The following MEX3B variants were observed in gnomAD, a reference collection of about 807,000 sequenced individuals.
MEX3B encodes the protein RNA-binding protein MEX3B.
A neutral mutation model predicts 12.2 loss-of-function variants in MEX3B; 10 were observed. That is an observed-to-expected ratio of 0.82 (90% CI 0.51 to 1.40). The LOEUF is 1.40. Among genes scored for constraint, MEX3B ranks in the 40% most tolerant of loss-of-function variants. The pLI is 0.00. For missense variants in MEX3B, 839 were observed against 801.4 expected (o/e 1.05, Z -0.57); for synonymous variants, 498 against 356.3 (o/e 1.40, Z -4.48).
At chr15:82,045,298 TTGTC>T (rs1013321604) in intron 1 of MEX3B, 148 bp downstream of exon 1, 4 of 949,694 alleles carry the variant, frequency 4.2e-6, no homozygotes, top group Non-Finnish European at 6.5e-6. Flanking sequence ...TGCACTTTCT[TTGTC>T]TGGGGCGCCG....
At position 82,043,897 on chromosome 15, in the gene MEX3B, G is replaced by A; in HGVS notation, c.973C>T (p.Leu325=). The A allele has an allele frequency of 6.3e-7, 1 of 1,594,748 alleles. No individual in the cohort carries two copies. The highest frequency in any genetic ancestry group is 1.7e-5 in the Admixed American group (1 of 58,406). ...LADYSPPSPA[L]SFAHNGNNNN... is the part of the protein sequence containing the mutation. ...TTGTTTCCGTTGTGCGCAAAGCTCA[G>A]GGCGGGGCTAGGGGGGCTGTAGTCC... is the stretch of plus-strand genomic sequence containing the variant. Residue 325 remains leucine (L), a synonymous_variant, in exon 2 of 2, where the codon CTG becomes TTG. Transcript: ENST00000329713.
chr15:82,043,379 G>GGACGAAGAGGAGGAGCCC lies in MEX3B; in HGVS notation c.1473_1490dup (p.Gly492_Ser497dup). The GGACGAAGAGGAGGAGCCC allele has an allele frequency of 1.9e-6, 3 of 1,587,062 alleles. No individual in the cohort carries two copies. Among genetic ancestry groups the GGACGAAGAGGAGGAGCCC allele is most frequent in the Non-Finnish European group, 2.6e-6 (3 of 1,166,994 alleles). On this transcript the variant is annotated inframe_insertion, in exon 2 of 2. Transcript: ENST00000329713. ...AGGATGAAGAGCTGGAGGAGGAGCTGGACGAAGAGGAGGAGCCCGACGTGT... is the reference window on the plus strand; with the variant it reads ...AGGATGAAGAGCTGGAGGAGGAGCTGGACGAAGAGGAGGAGCCCGACGAAGAGGAGGAGCCCGACGTGT...
At position 82,043,511 on chromosome 15, in the gene MEX3B, C is replaced by T; in HGVS notation, c.1359G>A (p.Glu453=). Residue 453 remains glutamate, a synonymous_variant, in exon 2 of 2, where the codon GAG becomes GAA. Transcript: ENST00000329713. ...TGCGCACCCGGCGAGCCAGGTGGTG[C>T]TCTCCCGCCCCCGGGGCCATGTGCA... ...PPLHMAPGAG[E]HHLARRVRSD... 6.6e-7 allele frequency: 1 copy of T among 1,515,078 alleles called. No individual in the cohort carries two copies. 93.9% of individuals were successfully genotyped at this position (1,515,078 alleles called of 1,614,324 possible). A position where few individuals can be genotyped will look rare whatever the true frequency, so the allele number is the denominator to read the frequency against.
In MEX3B at chr15:82,043,978, CTG is replaced by C. The variant is rs1398332556; in HGVS notation, c.890_891del (p.Thr297ArgfsTer25). 2 of 1,609,186 alleles carry C rather than the reference CTG, an allele frequency of 1.2e-6. No individual in the cohort carries two copies. The highest frequency in any genetic ancestry group is 1.7e-6 in the Non-Finnish European group (2 of 1,179,868). ...CTGGTCCCGCCGCCGAAATAAGAGTCTGTGGAAGCACTGCCAAGCGAGCTGGA... is the reference window on the plus strand; with the variant it reads ...CTGGTCCCGCCGCCGAAATAAGAGTCTGGAAGCACTGCCAAGCGAGCTGGA... ...DSSSSLGSAS[T>X]DSYFGGGTSS... On this transcript the variant is annotated frameshift_variant, in exon 2 of 2. Coordinates refer to ENST00000329713, the MANE Select transcript of MEX3B (RefSeq NM_032246.6). LOFTEE classifies it low-confidence loss of function (END_TRUNC).
Position 82,043,521 on chromosome 15 carries a change from C to G in MEX3B, c.1349G>C (p.Gly450Ala). The G allele has an allele frequency of 2.0e-6, 3 of 1,515,006 alleles. No homozygotes were observed. The South Asian group carries it at 3.9e-5, about 19-fold the overall frequency. 93.8% of individuals were successfully genotyped at this position (1,515,006 alleles called of 1,614,324 possible). A position where few individuals can be genotyped will look rare whatever the true frequency, so the allele number is the denominator to read the frequency against. The change falls in exon 2 of 2, where the codon GGG becomes GCG. Residue 450 changes from glycine (G) to alanine (A), a missense_variant. By Grantham distance (60) the Gly-to-Ala change is moderately conservative. Transcript: ENST00000329713. Reference sequence around the variant, plus strand: ...GCGAGCCAGGTGGTGCTCTCCCGCCCCCGGGGCCATGTGCAAGGGTGGAGA... The same window carrying G: ...GCGAGCCAGGTGGTGCTCTCCCGCCGCCGGGGCCATGTGCAAGGGTGGAGA... The part of the protein sequence containing the change: ...RLSPPLHMAP[G>A]AGEHHLARRV...
chr15:82,043,809 T>C lies in MEX3B; in HGVS notation c.1061A>G (p.Asp354Gly). 1 of 1,587,368 alleles carries C rather than the reference T, an allele frequency of 6.3e-7. No homozygotes were observed. The highest frequency in any genetic ancestry group is 8.6e-7 in the Non-Finnish European group (1 of 1,167,584). The change falls in exon 2 of 2, where the codon GAC becomes GGC. Residue 354 changes from aspartate (D) to glycine (G), a missense_variant. Physicochemically the swap from Asp to Gly is moderately conservative, Grantham distance 94. Coordinates refer to ENST00000329713, the MANE Select transcript of MEX3B (RefSeq NM_032246.6). ...AGGEASVPSPDGCPELQPTFD... is the reference protein window; with the variant it reads ...AGGEASVPSPGGCPELQPTFD... ...AGTGGGCTGCAGCTCGGGGCAGCCG[T>C]CGGGGGATGGCACTGAGGCTTCTCC...
Position 82,042,834 on chromosome 15 carries a change from A to G in MEX3B, c.*326T>C, listed in dbSNP as rs1436251403. 9.7e-6 allele frequency: 2 copies of G among 206,688 alleles called. No individual in the cohort carries two copies. Among genetic ancestry groups the G allele is most frequent in the African/African-American group, 4.6e-5 (2 of 43,638 alleles). The allele number at this position is 206,688 out of a possible 1,614,324, so 12.8% of individuals were successfully genotyped here. A position where few individuals can be genotyped will look rare whatever the true frequency, so the allele number is the denominator to read the frequency against. ...GGTTTTCTTCTTTTGGAAGCTTCCT[A>G]TTAAGTACAGTGTAAAAACTATCAT... is the stretch of plus-strand genomic sequence containing the variant. On this transcript the variant is annotated 3_prime_UTR_variant, in exon 2 of 2. Coordinates refer to ENST00000329713, the MANE Select transcript of MEX3B (RefSeq NM_032246.6).
Position 82,044,720 on chromosome 15 carries a change from C to G in MEX3B, c.257-107G>C. ...ACAGCCCGCGTCCAGGACAGCGAGA[C>G]GGCAGGACAAGAGATGGGCGGAAAG... On this transcript the variant is annotated intron_variant, in intron 1 of 1. Coordinates refer to ENST00000329713, the MANE Select transcript of MEX3B (RefSeq NM_032246.6). The surrounding 1 kb of genome is among the most constrained non-coding windows in gnomAD (Gnocchi z 5.3). 9.1e-7 allele frequency: 1 copy of G among 1,102,784 alleles called. No homozygotes were observed. Among genetic ancestry groups the G allele is most frequent in the Admixed American group, 1.9e-5 (1 of 52,336 alleles). 68.3% of individuals were successfully genotyped at this position (1,102,784 alleles called of 1,614,324 possible).
Position 82,044,674 on chromosome 15 carries a change from G to C in MEX3B, c.257-61C>G. ...AGAGACAGACACGCCCATTATCCTG[G>C]GGTAACCGCGGGGACCGGGGACAGC... On this transcript the variant is annotated intron_variant, in intron 1 of 1. Coordinates refer to ENST00000329713, the MANE Select transcript of MEX3B (RefSeq NM_032246.6). This position sits in a 1 kb window ranked among gnomAD's most constrained non-coding sequence, Gnocchi z 5.3. The C allele has an allele frequency of 6.4e-7, 1 of 1,552,024 alleles. No individual in the cohort carries two copies. The highest frequency in any genetic ancestry group is 8.9e-7 in the Non-Finnish European group (1 of 1,127,940).
In MEX3B at chr15:82,042,088, C is replaced by G. The variant is rs892145244; in HGVS notation, c.*1072G>C. On this transcript the variant is annotated 3_prime_UTR_variant, in exon 2 of 2. Coordinates refer to ENST00000329713, the MANE Select transcript of MEX3B (RefSeq NM_032246.6). Reference sequence around the variant, plus strand: ...ATGTATTAAAATAGAAATACTAAAACTAGAGTGGTGCAACAGAATTTTTGT... The same window carrying G: ...ATGTATTAAAATAGAAATACTAAAAGTAGAGTGGTGCAACAGAATTTTTGT... 6.6e-6 allele frequency: 1 copy of G among 152,584 alleles called. No homozygotes were observed. The highest frequency in any genetic ancestry group is 1.5e-5 in the Non-Finnish European group (1 of 68,016). 9.5% of individuals were successfully genotyped at this position (152,584 alleles called of 1,614,324 possible).
Position 82,043,758 on chromosome 15 carries a change from G to C in MEX3B, c.1112C>G (p.Pro371Arg). 1.3e-6 allele frequency: 2 copies of C among 1,570,788 alleles called. No individual in the cohort carries two copies. The highest frequency in any genetic ancestry group is 1.7e-6 in the Non-Finnish European group (2 of 1,159,910). Residue 371 changes from proline to arginine, a missense_variant, in exon 2 of 2, where the codon CCT becomes CGT. This residue lies in a region of MEX3B where 573 missense variants were observed against 488.9 expected (regional missense o/e 1.17). Transcript: ENST00000329713. ...PTFDPAPAPP[P>R]GAPLIWAQFE... ...CTGGGCCCAGATAAGTGGTGCCCCA[G>C]GTGGGGGAGCGGGAGCCGGGTCAAA...
Position 82,043,292 on chromosome 15 carries a change from C to G in MEX3B, c.1578G>C (p.Val526=). ...GGCCACAGGGCACCAGCGCGGCAAT[C>G]ACTTCGCTCTCGAAGCACACGGAGC... ...RDCSVCFESE[V]IAALVPCGHN... Residue 526 remains valine (V), a synonymous_variant, in exon 2 of 2, where the codon GTG becomes GTC. Transcript: ENST00000329713. 6.2e-7 allele frequency: 1 copy of G among 1,612,040 alleles called. No individual in the cohort carries two copies. Among genetic ancestry groups the G allele is most frequent in the Non-Finnish European group, 8.5e-7 (1 of 1,178,914 alleles).
chr15:82,043,687 A>T lies in MEX3B; in HGVS notation c.1183T>A (p.Ser395Thr), dbSNP rs2073235745. Residue 395 changes from serine (S) to threonine (T), a missense_variant, in exon 2 of 2, where the codon TCC becomes ACC. Physicochemically the swap from Ser to Thr is moderately conservative, Grantham distance 58. This residue lies in a region of MEX3B where 573 missense variants were observed against 488.9 expected (regional missense o/e 1.17). Transcript: ENST00000329713. ...GGGPAAPVSS[S>T]CSSSASSSAS... ...GACGAAGATGCAGAAGAAGAGCAGG[A>T]AGAAGATACCGGAGCTGCAGGTCCG... 1 of 1,607,028 alleles carries T rather than the reference A, an allele frequency of 6.2e-7. No homozygotes were observed. The highest frequency in any genetic ancestry group is 8.5e-7 in the Non-Finnish European group (1 of 1,176,920).
Position 82,045,835 on chromosome 15 carries a change from T to C in MEX3B, c.-130A>G. On this transcript the variant is annotated 5_prime_UTR_variant, in exon 1 of 2. Transcript: ENST00000329713. Reference sequence around the variant, plus strand: ...GTCGCCTGCTGAGGGCTCCGTTGCTTCTTCCTCGGTGCTGGGAGGAGTGGG... The same window carrying C: ...GTCGCCTGCTGAGGGCTCCGTTGCTCCTTCCTCGGTGCTGGGAGGAGTGGG... 1 of 1,042,344 alleles carries C rather than the reference T, an allele frequency of 9.6e-7. No homozygotes were observed. The highest frequency in any genetic ancestry group is 1.3e-6 in the Non-Finnish European group (1 of 797,284). The allele number at this position is 1,042,344 out of a possible 1,614,324, so 64.6% of individuals were successfully genotyped here.
At chr15:82,045,285 G>C (rs938770164) in intron 1 of MEX3B, 165 bp downstream of exon 1, 1 of 852,420 alleles carries the variant, frequency 1.2e-6, no homozygotes, top group South Asian at 1.4e-5. Flanking sequence ...GAGACAGCCT[G>C]CCTGCACTTT....
At position 82,045,534 on chromosome 15, in the gene MEX3B, C is replaced by T; in HGVS notation, c.172G>A (p.Glu58Lys). The change falls in exon 1 of 2, where the codon GAG becomes AAG. Residue 58 changes from glutamate to lysine, a missense_variant. Glu to Lys is a moderately conservative substitution (Grantham distance 56). Transcript: ENST00000329713. ...ATGTTCACGCTCTTCTTGCGCGGCT[C>T]GCTGTCGTACAGAGAGGCGCCCTCG... Reference protein sequence around the residue: ...SDEGASLYDSEPRKKSVNMTE... With the variant: ...SDEGASLYDSKPRKKSVNMTE... 1 of 1,612,502 alleles carries T rather than the reference C, an allele frequency of 6.2e-7. No individual in the cohort carries two copies.
At position 82,043,065 on chromosome 15, in the gene MEX3B, G is replaced by A. The variant is rs768782261; in HGVS notation, c.*95C>T. ...GGCCGGGAAGGAGAAGGGAGAGGGG[G>A]GGCACCCAGGGAGGCAGGCGAGCGC... On this transcript the variant is annotated 3_prime_UTR_variant, in exon 2 of 2. Transcript: ENST00000329713. 653 of 1,145,542 alleles carry A rather than the reference G, an allele frequency of 5.7e-4. 4 individuals carry two copies. Among genetic ancestry groups the A allele is most frequent in the Admixed American group, 6.5e-4 (19 of 29,160 alleles). 71.0% of individuals were successfully genotyped at this position (1,145,542 alleles called of 1,614,324 possible). A position where few individuals can be genotyped will look rare whatever the true frequency, so the allele number is the denominator to read the frequency against.
chr15:82,044,977 G>T lies in MEX3B; in HGVS notation c.257-364C>A, dbSNP rs1229679283. 5 of 580,892 alleles carry T rather than the reference G, an allele frequency of 8.6e-6. No homozygotes were observed. Among genetic ancestry groups the T allele is most frequent in the African/African-American group, 3.7e-5 (2 of 53,496 alleles). The allele number at this position is 580,892 out of a possible 1,614,324, so 36.0% of individuals were successfully genotyped here. On this transcript the variant is annotated intron_variant, in intron 1 of 1. Coordinates refer to ENST00000329713, the MANE Select transcript of MEX3B (RefSeq NM_032246.6). This position sits in a 1 kb window ranked among gnomAD's most constrained non-coding sequence, Gnocchi z 5.3. ...GGGAAGGGGCTCGGGGAAGGCAGCT[G>T]AAGTCGCGATGCCTCAGCGCTGGTC...
At chr15:82,045,409 T>A in intron 1 of MEX3B, 41 bp downstream of exon 1, 1 of 1,577,222 alleles carries the variant, frequency 6.3e-7, no homozygotes, top group Non-Finnish European at 8.6e-7. Flanking sequence ...CCTGAGACCC[T>A]ACACCACCCC....
Sources: allele counts gnomAD v4.1 joint callset, GRCh38; gene constraint gnomAD v4.1.1; regional missense constraint gnomAD v4.1.1; non-coding constraint Gnocchi (gnomAD v3.1); transcripts MANE v1.5; gene names NCBI Gene and HGNC (gene_info 2026-07-23, HGNC 2026-07-21).